EIF1AY: variants seen among roughly 807,000 people sequenced by gnomAD.
EIF1AY encodes the protein eukaryotic translation initiation factor 1A, Y-chromosomal.
For synonymous variants in EIF1AY, 16 were observed against 9.9 expected (o/e 1.62, Z -1.16); for missense variants, 19 against 30.6 (o/e 0.62, Z 0.89).
At chrY:20,588,198 T>C in intron 5 of EIF1AY, 93 bp downstream of exon 5, 1 of 177,911 alleles carries the variant, frequency 5.6e-6, no homozygotes, top group South Asian at 5.3e-5. Flanking sequence ...TTGTTTTACA[T>C]ACTGTTTTAG....
chrY:20,579,048 A>G, intron 1 of EIF1AY, among the ~76,000 whole-genome samples: 4 of 34,161 alleles, frequency 1.2e-4, no homozygotes, highest in African/African-American at 4.5e-4. Context: ...TTTGTAGAAT[A>G]ATATTCAATG....
Position 20,592,814 on chromosome Y carries a change from G to A in EIF1AY, c.*468G>A. On this transcript the variant is annotated 3_prime_UTR_variant, in exon 7 of 7. Coordinates refer to ENST00000361365, the MANE Select transcript of EIF1AY (RefSeq NM_004681.4). ...TCTGCATTTAGAATCAGAAAACATG[G>A]ACATATTTTTCATATTTATCTAGTC... The A allele has an allele frequency of 3.0e-5, 1 of 33,445 alleles. No individual in the cohort carries two copies. The highest frequency in any genetic ancestry group is 2.7e-4 in the Admixed American group (1 of 3,652). 8.3% of individuals were successfully genotyped at this position (33,445 alleles called of 400,897 possible). A position where few individuals can be genotyped will look rare whatever the true frequency, so the allele number is the denominator to read the frequency against.
intron 2 of EIF1AY, among the ~76,000 whole-genome samples, chrY:20,581,753 T>TA (rs2089350911): frequency 6.0e-5 from 2 of 33,403 alleles, no homozygotes; most frequent in Non-Finnish European, 1.5e-4. Flanking sequence ...ATAGTGAAGA[T>TA]AGAGTTAGGC....
In EIF1AY at chrY:20,575,816, A is replaced by G; in HGVS notation, c.-56A>G. 2.7e-6 allele frequency: 1 copy of G among 371,723 alleles called. No individual in the cohort carries two copies. The highest frequency in any genetic ancestry group is 3.8e-6 in the Non-Finnish European group (1 of 264,080). 92.7% of individuals were successfully genotyped at this position (371,723 alleles called of 400,897 possible). ...GCATCTTAGTTCAGTCGGCTCTTAG[A>G]GTAGTAACCGCCAGAAAGGAGTCGG... On this transcript the variant is annotated 5_prime_UTR_variant, in exon 1 of 7. Transcript: ENST00000361365.
intron 4 of EIF1AY, chrY:20,587,734 AG>A (rs2089355797): frequency 2.3e-5 from 1 of 43,636 alleles, no homozygotes; most frequent in African/African-American, 1.1e-4. Flanking sequence ...AAAAGGGAAT[AG>A]TAAATAAAAG....
chrY:20,577,267 A>G (rs1050265261), intron 1 of EIF1AY, among the ~76,000 whole-genome samples: 4 of 33,578 alleles, frequency 1.2e-4, no homozygotes, highest in Admixed American at 5.4e-4. Context: ...ATGCCTAAAA[A>G]TGTTCTCAAT....
intron 6 of EIF1AY, among the ~76,000 whole-genome samples, chrY:20,591,426 A>G (rs1029251171): frequency 3.3e-4 from 11 of 33,591 alleles, no homozygotes; most frequent in Admixed American, 8.2e-4. Flanking sequence ...CTATGCATCT[A>G]ACTCAATGAG....
chrY:20,582,213 GTTGTTA>G (rs2089351148), intron 2 of EIF1AY, among the ~76,000 whole-genome samples: 1 of 32,659 alleles, frequency 3.1e-5, no homozygotes, highest in Non-Finnish European at 7.5e-5. Flanking sequence ...TTTTTTTGTT[GTTGTTA>G]TTGTTGTTGT....
intron 2 of EIF1AY, among the ~76,000 whole-genome samples, chrY:20,580,446 T>C: frequency 3.1e-5 from 1 of 32,749 alleles, no homozygotes; most frequent in Non-Finnish European, 7.5e-5. Context: ...ACCCCTTGAA[T>C]TGATAAACGA....
chrY:20,592,408 G>C lies in EIF1AY; in HGVS notation c.*62G>C. 3.9e-6 allele frequency: 1 copy of C among 256,976 alleles called. No individual in the cohort carries two copies. Among genetic ancestry groups the C allele is most frequent in the Non-Finnish European group, 5.9e-6 (1 of 170,459 alleles). The allele number at this position is 256,976 out of a possible 400,897, so 64.1% of individuals were successfully genotyped here. ...GGATGGTTCTACAGTTGGGATTTTG[G>C]CCATCATCAACCAAGAAGAGAAATT... On this transcript the variant is annotated 3_prime_UTR_variant, in exon 7 of 7. Transcript: ENST00000361365.
At position 20,593,002 on chromosome Y, in the gene EIF1AY, TA is replaced by T. The variant is rs2089360215; in HGVS notation, c.*658del. On this transcript the variant is annotated 3_prime_UTR_variant, in exon 7 of 7. Transcript: ENST00000361365. ...ATTAAGAGTTAAAGAAACCGAACAATAAGTGGCAACCAATTATCTTAACATT... is the reference window on the plus strand; with the variant it reads ...ATTAAGAGTTAAAGAAACCGAACAATAGTGGCAACCAATTATCTTAACATT... 1 of 33,964 alleles carries T rather than the reference TA, an allele frequency of 2.9e-5. No homozygotes were observed. The highest frequency in any genetic ancestry group is 6.3e-4 in the South Asian group (1 of 1,580). 8.5% of individuals were successfully genotyped at this position (33,964 alleles called of 400,897 possible).
Position 20,592,559 on chromosome Y carries a change from A to C in EIF1AY, c.*213A>C. ...TGTTAATACTTTATTGTTTTGATGT[A>C]ATGGAACTTAAGGATAAAAGACCAT... On this transcript the variant is annotated 3_prime_UTR_variant, in exon 7 of 7. Coordinates refer to ENST00000361365, the MANE Select transcript of EIF1AY (RefSeq NM_004681.4). 1.2e-5 allele frequency: 1 copy of C among 82,137 alleles called. No homozygotes were observed. The highest frequency in any genetic ancestry group is 9.9e-5 in the African/African-American group (1 of 10,092). The allele number at this position is 82,137 out of a possible 400,897, so 20.5% of individuals were successfully genotyped here.
chrY:20,590,167 T>G, intron 6 of EIF1AY, among the ~76,000 whole-genome samples: 5 of 28,903 alleles, frequency 1.7e-4, no homozygotes, highest in Admixed American at 3.3e-4. Flanking sequence ...TTGGTATAGC[T>G]TAGACTTCAT....
chrY:20,584,165 G>A, intron 3 of EIF1AY, among the ~76,000 whole-genome samples: 1 of 31,397 alleles, frequency 3.2e-5, no homozygotes, highest in African/African-American at 1.3e-4. Context: ...CAGTCCTCCC[G>A]CCTCAGCCTC....
intron 4 of EIF1AY, among the ~76,000 whole-genome samples, chrY:20,585,238 G>A: frequency 3.0e-5 from 1 of 33,277 alleles, no homozygotes; most frequent in Non-Finnish European, 7.4e-5. Flanking sequence ...GAATAAGTCT[G>A]TTCTCCTCTA....
At chrY:20,590,620 C>T (rs2089358315) in intron 6 of EIF1AY, among the ~76,000 whole-genome samples, 1 of 26,509 alleles carries the variant, frequency 3.8e-5, no homozygotes, top group Non-Finnish European at 8.7e-5. Flanking sequence ...GGCAATAGAG[C>T]GAGACTCCAT....
chrY:20,582,418 G>T (rs2089351316), intron 2 of EIF1AY, among the ~76,000 whole-genome samples, 172 bp from the exon 3 acceptor site: 1 of 32,717 alleles, frequency 3.1e-5, no homozygotes, highest in Non-Finnish European at 7.5e-5. Context: ...ACCATTCTGG[G>T]CAGGCTGGTC....
intron 2 of EIF1AY, among the ~76,000 whole-genome samples, chrY:20,580,489 T>C: frequency 3.0e-5 from 1 of 32,851 alleles, no homozygotes; most frequent in Non-Finnish European, 7.5e-5. Flanking sequence ...AAAAATAAAG[T>C]AAATTTATTG....
chrY:20,585,894 T>G (rs2124357361), intron 4 of EIF1AY, among the ~76,000 whole-genome samples: 1 of 30,241 alleles, frequency 3.3e-5, no homozygotes, highest in South Asian at 8.2e-4. Context: ...ATCAGATTGC[T>G]GCCTCTCGGG....
Sources: allele counts gnomAD v4.1 joint callset (sites outside exome capture counted in the v4.1 genomes callset), GRCh38; gene constraint gnomAD v4.1.1; transcripts MANE v1.5; gene names NCBI Gene and HGNC (gene_info 2026-07-23, HGNC 2026-07-21).